GRM1: variants seen among roughly 807,000 people sequenced by gnomAD.
The protein encoded by GRM1 is metabotropic glutamate receptor 1.
Under a neutral mutation model 90.9 loss-of-function variants are expected in GRM1, and 33 were observed. The ratio of observed to expected loss-of-function variants is 0.36; its 90% CI spans 0.28 to 0.49. GRM1 has a LOEUF of 0.49. Ranked by LOEUF, GRM1 falls within the 20% of genes least tolerant of loss-of-function variation. The probability of loss-of-function intolerance (pLI) is 0.99; values close to 1 mark genes in which losing one functional copy is unlikely to be tolerated. For synonymous variants in GRM1, 700 were observed against 613.2 expected, an observed-to-expected ratio of 1.14 and a Z score of -2.09; for missense variants, 1,190 against 1,534.3, an observed-to-expected ratio of 0.78 and a Z score of 3.75.
At chr6:146,412,160 C>T (rs765567647) in intron 7 of GRM1, among the ~76,000 whole-genome samples, 21 of 152,220 alleles carry the variant, frequency 1.4e-4, no homozygotes, top group African/African-American at 3.6e-4. Flanking sequence ...GCATTGTCAA[C>T]GCTGTATGTT....
At chr6:146,273,072 T>C (rs1324405967) in intron 2 of GRM1, among the ~76,000 whole-genome samples, 1 of 152,208 alleles carries the variant, frequency 6.6e-6, no homozygotes, top group Non-Finnish European at 1.5e-5. Flanking sequence ...AGAAGAATGT[T>C]GTGTGACTTG....
intron 6 of GRM1, among the ~76,000 whole-genome samples, chr6:146,394,493 T>A (rs1243418030): frequency 6.6e-6 from 1 of 152,096 alleles, no homozygotes; most frequent in African/African-American, 2.4e-5. Flanking sequence ...TGCTCCAAGG[T>A]CTTTGGGTCA....
At chr6:146,357,214 T>A (rs1330743622) in intron 4 of GRM1, among the ~76,000 whole-genome samples, 2 of 152,214 alleles carry the variant, frequency 1.3e-5, no homozygotes, top group Non-Finnish European at 2.9e-5. Flanking sequence ...AAGAATAACT[T>A]AATAAACCAT....
chr6:146,200,799 G>C (rs999854284), intron 2 of GRM1, among the ~76,000 whole-genome samples: 6 of 152,148 alleles, frequency 3.9e-5, no homozygotes, highest in African/African-American at 7.2e-5. Flanking sequence ...ATCTGTAAAA[G>C]AGAGGGAAAG....
chr6:146,042,383 A>T (rs9386145), intron 1 of GRM1, among the ~76,000 whole-genome samples: 60,437 of 151,838 alleles, frequency 0.4, 12,331 homozygotes, highest in Middle Eastern at 0.51. Context: ...TAAGTAAAAT[A>T]ATCCTTTAGG....
chr6:146,103,613 T>A (rs772692684), intron 1 of GRM1, among the ~76,000 whole-genome samples: 4 of 152,194 alleles, frequency 2.6e-5, no homozygotes, highest in Non-Finnish European at 5.9e-5. Flanking sequence ...CAAGAGAACC[T>A]AACTTGCAAC....
intron 1 of GRM1, among the ~76,000 whole-genome samples, chr6:146,133,461 T>C (rs146103377): frequency 3.9e-5 from 6 of 152,316 alleles, no homozygotes; most frequent in African/African-American, 9.6e-5. Flanking sequence ...TTAGGGGAGA[T>C]GACAGAGGAT....
chr6:146,119,425 C>T (rs1388245008), intron 1 of GRM1, among the ~76,000 whole-genome samples: 1 of 152,092 alleles, frequency 6.6e-6, no homozygotes, highest in African/African-American at 2.4e-5. Context: ...TCTTTGGCTG[C>T]ACAGAAGCTC....
chr6:146,090,166 G>T (rs1339373438), intron 1 of GRM1, among the ~76,000 whole-genome samples: 1 of 152,128 alleles, frequency 6.6e-6, no homozygotes, highest in Non-Finnish European at 1.5e-5. Flanking sequence ...TCCAAGCCCT[G>T]TTTTTTGGTT....
chr6:146,326,765 T>C (rs1297742415), intron 3 of GRM1, among the ~76,000 whole-genome samples: 1 of 152,204 alleles, frequency 6.6e-6, no homozygotes, highest in Non-Finnish European at 1.5e-5. Flanking sequence ...CAAAAGTTTA[T>C]ATTTATATGC....
chr6:146,391,293 C>G (rs745741835), intron 6 of GRM1, among the ~76,000 whole-genome samples: 3 of 151,990 alleles, frequency 2.0e-5, no homozygotes, highest in Non-Finnish European at 4.4e-5. Flanking sequence ...TTATTGCCAC[C>G]TTGCTTTGAT....
intron 3 of GRM1, among the ~76,000 whole-genome samples, chr6:146,336,787 C>T (rs903830260): frequency 6.6e-6 from 1 of 152,156 alleles, no homozygotes; most frequent in African/African-American, 2.4e-5. Context: ...TTCCAGTACC[C>T]GACTCTGTAT....
intron 6 of GRM1, among the ~76,000 whole-genome samples, chr6:146,387,395 A>C (rs1167937462): frequency 6.6e-6 from 1 of 152,088 alleles, no homozygotes; most frequent in Non-Finnish European, 1.5e-5. Flanking sequence ...TAAATGTCCC[A>C]GCTTTTATTT....
chr6:146,405,490 G>T (rs1777312831), intron 7 of GRM1, among the ~76,000 whole-genome samples: 1 of 152,202 alleles, frequency 6.6e-6, no homozygotes, highest in African/African-American at 2.4e-5. Flanking sequence ...CACCAACTGA[G>T]CTGCTGAAAT....
intron 1 of GRM1, among the ~76,000 whole-genome samples, chr6:146,088,157 A>G (rs1776606888): frequency 6.6e-6 from 1 of 151,900 alleles, no homozygotes; most frequent in Non-Finnish European, 1.5e-5. Flanking sequence ...TAATTCACTG[A>G]GGTTTTGATT....
intron 2 of GRM1, among the ~76,000 whole-genome samples, chr6:146,265,340 G>A (rs1293767292): frequency 1.3e-5 from 2 of 152,188 alleles, no homozygotes; most frequent in African/African-American, 4.8e-5. Context: ...TTTGAGGAAT[G>A]TCTGTTCATG....
At chr6:146,254,063 G>A (rs1010436489) in intron 2 of GRM1, among the ~76,000 whole-genome samples, 1 of 151,950 alleles carries the variant, frequency 6.6e-6, no homozygotes, top group Admixed American at 6.6e-5. Flanking sequence ...TTGATTCTGA[G>A]TATAAACAAC....
intron 4 of GRM1, among the ~76,000 whole-genome samples, chr6:146,356,565 G>A (rs1415404589): frequency 6.6e-6 from 1 of 152,140 alleles, no homozygotes; most frequent in Non-Finnish European, 1.5e-5. Context: ...ATGGAAGGGG[G>A]TGAACATAAG....
rs142848128 is a variant in GRM1, at chr6:146,133,281, T to C, written c.701-26067T>C. 3.3e-3 allele frequency among the ~76,000 whole-genome samples: 501 copies of C among 152,328 alleles called. 4 individuals carry two copies. The highest frequency in any genetic ancestry group is 0.011 in the African/African-American group (469 of 41,568). On this transcript the variant is annotated intron_variant, in intron 1 of 7. Transcript: ENST00000282753. Reference sequence around the variant, plus strand: ...TTGTCTAAAATGCTGGATTCCTAATTTTGGGCTTCTCAGAAATAATGTCTC... The same window carrying C: ...TTGTCTAAAATGCTGGATTCCTAATCTTGGGCTTCTCAGAAATAATGTCTC...
Sources: gnomAD v4.1 joint callset for allele counts (sites outside exome capture counted in the v4.1 genomes callset) on GRCh38, gnomAD v4.1.1 for gene constraint, MANE v1.5 for transcripts, NCBI Gene and HGNC (gene_info 2026-07-23, HGNC 2026-07-21) for gene names.